Variants in CRYZL1 observed in about 807,000 individuals in gnomAD.
CRYZL1 encodes the protein crystallin zeta like 1, also known as ferry endosomal RAB5 effector complex subunit 4.
Under a neutral mutation model 50.6 loss-of-function variants are expected in CRYZL1, and 34 were observed. The observed-to-expected ratio is 0.67, with a 90% confidence interval of 0.51 to 0.89. The LOEUF (loss-of-function observed/expected upper bound fraction) is 0.89. Ranked by LOEUF, CRYZL1 falls within the 40% of genes least tolerant of loss-of-function variation. The pLI is 0.00. For synonymous variants in CRYZL1, 125 were observed against 134.3 expected (o/e 0.93, Z 0.48); for missense variants, 354 against 402.3 (o/e 0.88, Z 1.03).
intron 6 of CRYZL1, among the ~76,000 whole-genome samples, chr21:33,609,696 CTCTTT>C (rs1236081189): frequency 5.3e-5 from 8 of 151,458 alleles, no homozygotes; most frequent in African/African-American, 9.7e-5. Flanking sequence ...TCCTTCTCTT[CTCTTT>C]TCTTTTCTTT....
chr21:33,637,199 A>G (rs895389572), intron 1 of CRYZL1, among the ~76,000 whole-genome samples: 2 of 152,136 alleles, frequency 1.3e-5, no homozygotes, highest in Non-Finnish European at 2.9e-5. Context: ...TAATCCCAGC[A>G]TTTTTGGAGG....
chr21:33,624,391 A>T (rs2087036337), intron 3 of CRYZL1, among the ~76,000 whole-genome samples: 2 of 152,182 alleles, frequency 1.3e-5, no homozygotes, highest in Admixed American at 6.6e-5. Flanking sequence ...ATGAAAAAAC[A>T]TACAAAAATT....
intron 6 of CRYZL1, among the ~76,000 whole-genome samples, chr21:33,603,991 G>A (rs1363994732): frequency 4.6e-5 from 7 of 152,114 alleles, no homozygotes; most frequent in African/African-American, 1.2e-4. Context: ...GGTGGCTCAC[G>A]CCTGTAATCC....
intron 6 of CRYZL1, among the ~76,000 whole-genome samples, chr21:33,612,639 C>G (rs1208902084): frequency 1.3e-5 from 2 of 152,132 alleles, no homozygotes; most frequent in African/African-American, 4.8e-5. Flanking sequence ...ATAATGTTAT[C>G]TCTAAGTGGT....
intron 1 of CRYZL1, chr21:33,640,250 T>C (rs1489279366): frequency 6.5e-7 from 1 of 1,540,948 alleles, no homozygotes. Context: ...CAGCTTTATC[T>C]TGTATGGCGA....
At chr21:33,601,176 A>G (rs2086752622) in intron 8 of CRYZL1, among the ~76,000 whole-genome samples, 2 of 151,428 alleles carry the variant, frequency 1.3e-5, no homozygotes, top group Admixed American at 1.3e-4. Flanking sequence ...ACCTCAAGTG[A>G]TCCACCCGCC....
intron 2 of CRYZL1, among the ~76,000 whole-genome samples, chr21:33,629,135 T>G (rs1601348568): frequency 1.3e-5 from 2 of 151,954 alleles, no homozygotes; most frequent in East Asian, 3.9e-4. Flanking sequence ...CTCAGGAAGC[T>G]GAGGTGGGAG....
chr21:33,621,294 C>G (rs1344201682), intron 4 of CRYZL1, among the ~76,000 whole-genome samples: 3 of 148,770 alleles, frequency 2.0e-5, no homozygotes, highest in Non-Finnish European at 4.4e-5. Flanking sequence ...CACTAAATGA[C>G]AGCTGATGAA....
intron 4 of CRYZL1, among the ~76,000 whole-genome samples, chr21:33,620,939 G>T (rs1368483366): frequency 3.8e-5 from 1 of 26,180 alleles, no homozygotes; most frequent in African/African-American, 1.5e-4. Flanking sequence ...ACGGAGTCTC[G>T]CTGTCGCCCA....
intron 11 of CRYZL1, among the ~76,000 whole-genome samples, chr21:33,593,193 G>A (rs1017624294): frequency 7.9e-5 from 12 of 151,820 alleles, no homozygotes; most frequent in Admixed American, 6.6e-5. Context: ...TGCAAGCTCC[G>A]CCTCCTGGGT....
At chr21:33,622,628 A>G (rs1458164088) in intron 3 of CRYZL1, among the ~76,000 whole-genome samples, 1 of 152,108 alleles carries the variant, frequency 6.6e-6, no homozygotes, top group Non-Finnish European at 1.5e-5. Flanking sequence ...TTAAGGCTAA[A>G]TTTTTAAGAG....
chr21:33,624,876 T>A, intron 2 of CRYZL1, 116 bp from the exon 3 acceptor site: 1 of 1,332,508 alleles, frequency 7.5e-7, no homozygotes, highest in Middle Eastern at 2.8e-4. Context: ...ACCCTAAATC[T>A]CACAGCTAAT....
In CRYZL1 at chr21:33,613,053, T is replaced by G. The variant is rs151156755; in HGVS notation, c.331+485A>C. On this transcript the variant is annotated intron_variant, in intron 6 of 12. Transcript: ENST00000381554. ...GTTGGCCTGGCTGGTCCCAAACTCC[T>G]GGCCTCAGGTGACCTGCCCACCTTG... Among the ~76,000 whole-genome samples the G allele has an allele frequency of 3.5e-3, 538 of 152,308 alleles. 3 individuals are homozygous for G. The highest frequency in any genetic ancestry group is 0.012 in the African/African-American group (513 of 41,564).
chr21:33,593,341 C>T (rs1160674956), intron 11 of CRYZL1, among the ~76,000 whole-genome samples: 1 of 152,002 alleles, frequency 6.6e-6, no homozygotes, highest in South Asian at 2.1e-4. Context: ...CTCCTGACCT[C>T]GTGATCCGCC....
intron 1 of CRYZL1, chr21:33,639,878 G>T: frequency 9.0e-6 from 2 of 221,636 alleles, no homozygotes; most frequent in Non-Finnish European, 1.7e-5. Flanking sequence ...AGGCTAGAGT[G>T]TGGTGGTCGT....
At chr21:33,636,713 T>C (rs2087210638) in intron 1 of CRYZL1, among the ~76,000 whole-genome samples, 1 of 152,202 alleles carries the variant, frequency 6.6e-6, no homozygotes, top group Non-Finnish European at 1.5e-5. Context: ...TTCTAAAAAA[T>C]CAATGGGAAG....
intron 2 of CRYZL1, among the ~76,000 whole-genome samples, chr21:33,625,377 G>T (rs1403497523): frequency 6.6e-6 from 1 of 151,956 alleles, no homozygotes; most frequent in African/African-American, 2.4e-5. Context: ...GGATGGTCTC[G>T]ATCTCCTGAC....
Position 33,603,530 on chromosome 21 carries a change from T to C in CRYZL1, c.339A>G (p.Lys113=), listed in dbSNP as rs1402046008. ...VRVHEHYLVH[K]PEKVTWTEAA... is the part of the protein sequence containing the mutation. ...CTTCCGTCCATGTGACCTTTTCTGG[T>C]TTATGAACTATCATAAAGAACAAGA... The change falls in exon 7 of 13, where the codon AAA becomes AAG. Residue 113 remains lysine, a synonymous_variant. Coordinates refer to ENST00000381554, the MANE Select transcript of CRYZL1 (RefSeq NM_145858.3). The C allele has an allele frequency of 2.5e-6, 4 of 1,614,066 alleles. No homozygotes were observed. The highest frequency in any genetic ancestry group is 4.5e-5 in the East Asian group (2 of 44,880).
chr21:33,616,661 C>CTT, intron 5 of CRYZL1, 45 bp downstream of exon 5: 1 of 1,603,066 alleles, frequency 6.2e-7, no homozygotes, highest in Non-Finnish European at 8.5e-7. Context: ...ACAGAGATGA[C>CTT]GGTAAAATAG....
Sources: allele counts gnomAD v4.1 joint callset (sites outside exome capture counted in the v4.1 genomes callset), GRCh38; gene constraint gnomAD v4.1.1; transcripts MANE v1.5; gene names NCBI Gene and HGNC (gene_info 2026-07-23, HGNC 2026-07-21).